Variants in MYLK observed in about 807,000 individuals in gnomAD.
MYLK encodes the protein myosin light chain kinase, smooth muscle.
MYLK carries 106 observed loss-of-function variants against 203.4 expected under a neutral mutation model. The ratio of observed to expected loss-of-function variants is 0.52; its 90% CI spans 0.45 to 0.61. MYLK has a LOEUF of 0.61. MYLK is among the 20% of genes least tolerant of loss of function. The pLI, the probability that MYLK is intolerant of heterozygous loss-of-function variation, is 0.00. For missense variants in MYLK, 2,072 were observed against 2,442.3 expected (o/e 0.85, Z 3.20); for synonymous variants, 867 against 959.5 (o/e 0.90, Z 1.78).
chr3:123,773,451 C>G (rs1394192240), intron 4 of MYLK, among the ~76,000 whole-genome samples: 1 of 152,102 alleles, frequency 6.6e-6, no homozygotes, highest in African/African-American at 2.4e-5. Flanking sequence ...TCAAATTATG[C>G]AAATTTAGTA....
intron 3 of MYLK, among the ~76,000 whole-genome samples, chr3:123,827,765 A>C: frequency 7.8e-6 from 1 of 128,680 alleles, no homozygotes; most frequent in South Asian, 2.6e-4. Flanking sequence ...TCTACCAAAA[A>C]ACTTAGAACT....
At chr3:123,856,734 A>G (rs2031409401) in intron 2 of MYLK, among the ~76,000 whole-genome samples, 1 of 152,184 alleles carries the variant, frequency 6.6e-6, no homozygotes, top group South Asian at 2.1e-4. Flanking sequence ...AATTGTTTCC[A>G]TATTGCAAAC....
At chr3:123,691,572 C>T (rs1351085444) in intron 19 of MYLK, 1 of 152,180 alleles carries the variant, frequency 6.6e-6, no homozygotes, top group Non-Finnish European at 1.5e-5. Flanking sequence ...CATCATGTTC[C>T]ATAGAGCTCA....
At chr3:123,737,647 G>A (rs2062725033) in intron 7 of MYLK, 104 bp from the exon 8 acceptor site, 3 of 1,462,238 alleles carry the variant, frequency 2.1e-6, no homozygotes, top group South Asian at 2.3e-5. Context: ...CAGGGCCTGG[G>A]CAGCAGCGTC....
rs1576474081 is a variant in MYLK, at chr3:123,664,227, T to C, written c.3863A>G (p.Asn1288Ser). The change falls in exon 23 of 34, where the codon AAC becomes AGC. Residue 1288 changes from asparagine (N) to serine (S), a missense_variant. Asn to Ser is a conservative substitution (Grantham distance 46). This residue lies in a region of MYLK where 865 missense variants were observed against 1,016.0 expected (regional missense o/e 0.85). Coordinates refer to ENST00000360304, the MANE Select transcript of MYLK (RefSeq NM_053025.4). ...IQESEHMKVENSENGSKLTIL... is the reference protein window; with the variant it reads ...IQESEHMKVESSENGSKLTIL... ...GGTGAGCTTGCTGCCATTCTCGCTG[T>C]TCTCCACCTTCATGTGCTCGCTTTC... is the stretch of plus-strand genomic sequence containing the variant. 6.2e-7 allele frequency: 1 copy of C among 1,614,160 alleles called. No homozygotes were observed. Among genetic ancestry groups the C allele is most frequent in the Non-Finnish European group, 8.5e-7 (1 of 1,180,018 alleles).
chr3:123,881,014 A>G (rs1031728104), intron 1 of MYLK, among the ~76,000 whole-genome samples: 1 of 152,200 alleles, frequency 6.6e-6, no homozygotes, highest in Non-Finnish European at 1.5e-5. Flanking sequence ...AACGAATGGA[A>G]AAGTGTGCAG....
chr3:123,704,633 G>C (rs549438623), intron 16 of MYLK, among the ~76,000 whole-genome samples: 228 of 151,920 alleles, frequency 1.5e-3, no homozygotes, highest in African/African-American at 5.3e-3. Flanking sequence ...GCCGGGCATG[G>C]TGGCTCACAC....
intron 13 of MYLK, among the ~76,000 whole-genome samples, chr3:123,711,882 G>A (rs2061707965): frequency 6.6e-6 from 1 of 152,146 alleles, no homozygotes; most frequent in Non-Finnish European, 1.5e-5. Context: ...CTGGGCAGGT[G>A]TCACCTCCAA....
rs3732487 is a variant in MYLK, at chr3:123,700,726, G to T, written c.2742C>A (p.Asp914Glu). ...TCTGCTCGGCTGGGATCTCCTTCAGGTCGTCTTCCGATAGGGTCTTTGTAC... is the reference window on the plus strand; with the variant it reads ...TCTGCTCGGCTGGGATCTCCTTCAGTTCGTCTTCCGATAGGGTCTTTGTAC... ...KVSTKTLSEDDLKEIPAEQMD... is the reference protein window; with the variant it reads ...KVSTKTLSEDELKEIPAEQMD... The change falls in exon 18 of 34, where the codon GAC becomes GAA. Residue 914 changes from aspartate (D) to glutamate (E), a missense_variant. This residue lies in a region of MYLK where 865 missense variants were observed against 1,016.0 expected (regional missense o/e 0.85). Coordinates refer to ENST00000360304, the MANE Select transcript of MYLK (RefSeq NM_053025.4). 84,026 of 1,613,966 alleles carry T rather than the reference G, an allele frequency of 0.052. 10,207 individuals are homozygous for T. The highest frequency in any genetic ancestry group is 0.49 in the East Asian group (21,900 of 44,858).
chr3:123,647,567 C>T (rs1413753641), intron 26 of MYLK, 140 bp from the exon 27 acceptor site: 2 of 751,612 alleles, frequency 2.7e-6, no homozygotes, highest in African/African-American at 1.7e-5. Context: ...ACAGCCCTGC[C>T]TGGCTGTTTG....
intron 4 of MYLK, among the ~76,000 whole-genome samples, chr3:123,770,624 C>T (rs2063849095): frequency 6.6e-6 from 1 of 152,140 alleles, no homozygotes; most frequent in Admixed American, 6.5e-5. Context: ...GGGGGTGATG[C>T]CCAGTGCCCG....
Position 123,806,876 on chromosome 3 carries a change from GCTGGTCTCGAA to G in MYLK, c.-3-13043_-3-13033del, listed in dbSNP as rs368125544. Among the ~76,000 whole-genome samples the G allele has an allele frequency of 2.3e-3, 342 of 151,992 alleles. 1 individual carries two copies. Among genetic ancestry groups the G allele is most frequent in the African/African-American group, 7.5e-3 (309 of 41,438 alleles). On this transcript the variant is annotated intron_variant, in intron 3 of 33. Coordinates refer to ENST00000360304, the MANE Select transcript of MYLK (RefSeq NM_053025.4). Reference sequence around the variant, plus strand: ...GATGGGGTTTCAGCATGTTGGCCAGGCTGGTCTCGAACTCCTGACCTCAGGTGATCCACCCA... The same window carrying G: ...GATGGGGTTTCAGCATGTTGGCCAGGCTCCTGACCTCAGGTGATCCACCCA...
chr3:123,691,828 T>C (rs1003636378), intron 19 of MYLK: 2 of 152,234 alleles, frequency 1.3e-5, no homozygotes, highest in African/African-American at 4.8e-5. Context: ...TTTTGAGACA[T>C]TTCCAGGTAA....
chr3:123,717,946 C>T (rs931358207), intron 13 of MYLK, among the ~76,000 whole-genome samples: 22 of 149,192 alleles, frequency 1.5e-4, no homozygotes, highest in African/African-American at 5.5e-4. Flanking sequence ...ACTGCAGTCT[C>T]GACCTCGCAG....
At chr3:123,680,440 C>T (rs777543692) in intron 20 of MYLK, among the ~76,000 whole-genome samples, 4 of 152,166 alleles carry the variant, frequency 2.6e-5, no homozygotes, top group Non-Finnish European at 4.4e-5. Flanking sequence ...CTTCTGCTCA[C>T]GGTTTTCCAT....
At chr3:123,782,494 G>A (rs1167137426) in intron 4 of MYLK, among the ~76,000 whole-genome samples, 1 of 152,224 alleles carries the variant, frequency 6.6e-6, no homozygotes, top group African/African-American at 2.4e-5. Flanking sequence ...TTTACTTAGA[G>A]TTGGAAGGAA....
At chr3:123,709,339 C>T (rs2061599511) in intron 14 of MYLK, 1 of 256,924 alleles carries the variant, frequency 3.9e-6, no homozygotes, top group Non-Finnish European at 7.6e-6. Context: ...GACAGGGTTT[C>T]ACCGTGTTAG....
chr3:123,833,043 T>G (rs1411392716), intron 2 of MYLK, among the ~76,000 whole-genome samples: 1 of 152,034 alleles, frequency 6.6e-6, no homozygotes, highest in East Asian at 1.9e-4. Flanking sequence ...GACGGGGCTC[T>G]CAAAGAAGGG....
intron 17 of MYLK, 145 bp downstream of exon 17, chr3:123,701,292 TC>T: frequency 1.2e-6 from 1 of 826,094 alleles, no homozygotes; most frequent in Non-Finnish European, 2.0e-6. Context: ...CCTCCCTCAT[TC>T]CCCTTCCAGG....
Sources: gnomAD v4.1 joint callset for allele counts (sites outside exome capture counted in the v4.1 genomes callset) on GRCh38, gnomAD v4.1.1 for gene constraint, gnomAD v4.1.1 regional missense constraint, MANE v1.5 for transcripts, NCBI Gene and HGNC (gene_info 2026-07-23, HGNC 2026-07-21) for gene names.